Variants in PECAM1 observed in about 807,000 individuals in gnomAD.
The protein encoded by PECAM1 is platelet endothelial cell adhesion molecule.
In PECAM1, 8 loss-of-function variants were observed where a neutral mutation model predicts 13.8. That is an observed-to-expected ratio of 0.58 (90% CI 0.34 to 1.05). The LOEUF is 1.05. Among genes scored for constraint, PECAM1 ranks in the 50% least tolerant of loss-of-function variants. The probability of loss-of-function intolerance (pLI) is 0.03; values close to 1 mark genes in which losing one functional copy is unlikely to be tolerated. For synonymous variants in PECAM1, 136 were observed against 52.6 expected (o/e 2.58, Z -6.86); for missense variants, 304 against 141.2 (o/e 2.15, Z -5.84).
intron 2 of PECAM1, 115 bp from the exon 3 acceptor site, chr17:64,378,232 AG>A (rs1251912708): frequency 2.5e-6 from 1 of 400,174 alleles, no homozygotes; most frequent in Non-Finnish European, 4.4e-6. Flanking sequence ...TATTGAGTCC[AG>A]GGGTTCTACG....
At chr17:64,342,596 G>A (rs930262870) in intron 13 of PECAM1, among the ~76,000 whole-genome samples, 1 of 151,912 alleles carries the variant, frequency 6.6e-6, no homozygotes, top group Non-Finnish European at 1.5e-5. Context: ...GGATTGGTCT[G>A]GGGGGGTCCC....
chr17:64,343,980 C>T (rs1056398930), intron 13 of PECAM1, among the ~76,000 whole-genome samples: 4 of 152,152 alleles, frequency 2.6e-5, no homozygotes, highest in Non-Finnish European at 4.4e-5. Flanking sequence ...GAAAGGTGAT[C>T]GGGCCTGGTC....
At chr17:64,346,296 G>C (rs1475333884) in intron 13 of PECAM1, among the ~76,000 whole-genome samples, 1 of 152,140 alleles carries the variant, frequency 6.6e-6, no homozygotes, top group Non-Finnish European at 1.5e-5. Flanking sequence ...ACTGTGTACT[G>C]CCCAATCTGG....
intron 6 of PECAM1, among the ~76,000 whole-genome samples, chr17:64,360,814 ATG>A (rs144008571): frequency 0.095 from 13,444 of 141,238 alleles, 1,709 homozygotes; most frequent in African/African-American, 0.32. Context: ...AGCCAACAAA[ATG>A]TGTGTGTGTG....
At chr17:64,332,226 C>G (rs4968721) in intron 14 of PECAM1, among the ~76,000 whole-genome samples, 74,068 of 151,816 alleles carry the variant, frequency 0.49, 18,847 homozygotes, top group East Asian at 0.68. Flanking sequence ...CAGCCCAACG[C>G]TAATGTTGAG....
chr17:64,360,514 T>A (rs1476803090), intron 6 of PECAM1, 99 bp from the exon 7 acceptor site: 2 of 418,300 alleles, frequency 4.8e-6, no homozygotes, highest in East Asian at 6.8e-5. Flanking sequence ...TTGCTTTCTA[T>A]CCCTGCTGTA....
At chr17:64,364,659 G>C (rs1377515654) in intron 5 of PECAM1, among the ~76,000 whole-genome samples, 2,271 of 145,734 alleles carry the variant, frequency 0.016, 55 homozygotes, top group African/African-American at 0.052. Flanking sequence ...ATGCAAGGCT[G>C]GTTCAATATA....
intron 8 of PECAM1, 100 bp downstream of exon 8, chr17:64,356,011 T>C (rs2035837603): frequency 2.1e-6 from 1 of 468,388 alleles, no homozygotes; most frequent in South Asian, 7.1e-5. Context: ...TTCAGTCACA[T>C]AAGCTAGACT....
chr17:64,349,127 A>G (rs992514375), intron 12 of PECAM1, among the ~76,000 whole-genome samples: 32 of 152,340 alleles, frequency 2.1e-4, no homozygotes, highest in African/African-American at 7.7e-4. Context: ...CCCTAAAAAT[A>G]CTTGGAGAGT....
In PECAM1 at chr17:64,321,859, T is replaced by C; in HGVS notation, c.*1957A>G. ...GCAGCTCCCGTGGCAATTGCCCTTC[T>C]CTGGTGGTGGCAAGGGACTAAGGAA... is the stretch of plus-strand genomic sequence containing the variant. On this transcript the variant is annotated 3_prime_UTR_variant, in exon 16 of 16. Transcript: ENST00000563924. The C allele has an allele frequency of 7.4e-7, 1 of 1,350,112 alleles. No individual in the cohort carries two copies. Among genetic ancestry groups the C allele is most frequent in the Non-Finnish European group, 9.8e-7 (1 of 1,020,104 alleles). 83.6% of individuals were successfully genotyped at this position (1,350,112 alleles called of 1,614,324 possible).
Position 64,347,742 on chromosome 17 carries a change from A to ATTTT in PECAM1, c.2107+514_2107+517dup, listed in dbSNP as rs1555649488. 1.5e-4 allele frequency among the ~76,000 whole-genome samples: 21 copies of ATTTT among 144,468 alleles called. 1 individual carries two copies. Among genetic ancestry groups the ATTTT allele is most frequent in the African/African-American group, 5.1e-4 (20 of 39,370 alleles). 94.8% of individuals were successfully genotyped at this position (144,468 alleles called of 152,430 possible). A position where few individuals can be genotyped will look rare whatever the true frequency, so the allele number is the denominator to read the frequency against. ...TTATATATTTTATATATATATATAT[A>ATTTT]TTTTTTGAGATGGAGTCTCACTCTG... is the stretch of plus-strand genomic sequence containing the variant. On this transcript the variant is annotated intron_variant, in intron 13 of 15. Coordinates refer to ENST00000563924, the MANE Select transcript of PECAM1 (RefSeq NM_000442.5).
intron 2 of PECAM1, among the ~76,000 whole-genome samples, chr17:64,384,096 A>G (rs2036540906): frequency 6.6e-6 from 1 of 152,140 alleles, no homozygotes; most frequent in African/African-American, 2.4e-5. Flanking sequence ...ACATCATTGC[A>G]CTCCAGCCTG....
Position 64,323,230 on chromosome 17 carries a change from G to GT in PECAM1, c.*585dup. 1.0e-6 allele frequency: 1 copy of GT among 990,708 alleles called. No individual in the cohort carries two copies. The highest frequency in any genetic ancestry group is 1.2e-6 in the Non-Finnish European group (1 of 833,204). The allele number at this position is 990,708 out of a possible 1,614,324, so 61.4% of individuals were successfully genotyped here. A position where few individuals can be genotyped will look rare whatever the true frequency, so the allele number is the denominator to read the frequency against. On this transcript the variant is annotated 3_prime_UTR_variant, in exon 16 of 16. Transcript: ENST00000563924. ...CTGAATGAACGGTGTCTTCAGGTTGGTATTTCACAGGCGGTGCTCCCAAGT... is the reference window on the plus strand; with the variant it reads ...CTGAATGAACGGTGTCTTCAGGTTGGTTATTTCACAGGCGGTGCTCCCAAGT...
chr17:64,322,165 C>A lies in PECAM1; in HGVS notation c.*1651G>T. 1 of 803,048 alleles carries A rather than the reference C, an allele frequency of 1.2e-6. No individual in the cohort carries two copies. The highest frequency in any genetic ancestry group is 1.5e-6 in the Non-Finnish European group (1 of 656,894). 49.7% of individuals were successfully genotyped at this position (803,048 alleles called of 1,614,324 possible). A position where few individuals can be genotyped will look rare whatever the true frequency, so the allele number is the denominator to read the frequency against. ...ACACATGAGGACAAGGCGGGCAGATCACCAAAGGTCAGGCATTCGAGATCA... is the reference window on the plus strand; with the variant it reads ...ACACATGAGGACAAGGCGGGCAGATAACCAAAGGTCAGGCATTCGAGATCA... On this transcript the variant is annotated 3_prime_UTR_variant, in exon 16 of 16. Coordinates refer to ENST00000563924, the MANE Select transcript of PECAM1 (RefSeq NM_000442.5).
chr17:64,379,283 A>G (rs2036430644), intron 2 of PECAM1, among the ~76,000 whole-genome samples: 1 of 152,232 alleles, frequency 6.6e-6, no homozygotes, highest in Non-Finnish European at 1.5e-5. Context: ...ATAGGCTGTC[A>G]ATAGAATTCA....
intron 4 of PECAM1, among the ~76,000 whole-genome samples, chr17:64,372,432 TTAAAGG>T (rs1260773400): frequency 6.6e-6 from 1 of 152,208 alleles, no homozygotes; most frequent in Non-Finnish European, 1.5e-5. Context: ...TAGCTGTTTG[TTAAAGG>T]TACTATGCAA....
intron 11 of PECAM1, among the ~76,000 whole-genome samples, chr17:64,352,098 T>C (rs2035737900): frequency 6.6e-6 from 1 of 152,224 alleles, no homozygotes; most frequent in Admixed American, 6.5e-5. Context: ...TGGAGAATTA[T>C]AATATTACGC....
intron 14 of PECAM1, among the ~76,000 whole-genome samples, chr17:64,332,620 T>C (rs1437290855): frequency 6.6e-6 from 1 of 152,228 alleles, no homozygotes; most frequent in Non-Finnish European, 1.5e-5. Context: ...CCCTCTGGCC[T>C]CACTGGCTCT....
chr17:64,340,262 GC>G (rs2035391894), intron 14 of PECAM1, among the ~76,000 whole-genome samples: 1 of 152,160 alleles, frequency 6.6e-6, no homozygotes, highest in Non-Finnish European at 1.5e-5. Context: ...GTGGGTCTGG[GC>G]TGGGCCCGAG....
Sources: allele counts gnomAD v4.1 joint callset (sites outside exome capture counted in the v4.1 genomes callset), GRCh38; gene constraint gnomAD v4.1.1; transcripts MANE v1.5; gene names NCBI Gene and HGNC (gene_info 2026-07-23, HGNC 2026-07-21).